The following CCDC93 variants were observed in gnomAD, a reference collection of about 807,000 sequenced individuals.
The protein encoded by CCDC93 is CCC complex scaffolding subunit CCDC93.
Under a neutral mutation model 108.2 loss-of-function variants are expected in CCDC93, and 61 were observed. The ratio of observed to expected loss-of-function variants is 0.56; its 90% CI spans 0.46 to 0.70. The LOEUF is 0.70. Ranked by LOEUF, CCDC93 falls within the 30% of genes least tolerant of loss-of-function variation. The pLI is 0.00. For synonymous variants in CCDC93, 276 were observed against 260.4 expected (o/e 1.06, Z -0.58); for missense variants, 685 against 764.2 (o/e 0.90, Z 1.22).
intron 11 of CCDC93, among the ~76,000 whole-genome samples, chr2:117,970,830 A>C (rs1393853197): frequency 3.9e-5 from 6 of 152,162 alleles, no homozygotes; most frequent in Non-Finnish European, 8.8e-5. Flanking sequence ...AAAGCTGGAA[A>C]TATTGGGGGC....
intron 10 of CCDC93, 104 bp from the exon 11 acceptor site, chr2:117,974,098 C>T: frequency 1.3e-6 from 1 of 776,512 alleles, no homozygotes; most frequent in East Asian, 2.7e-5. Context: ...TATGGTAAAA[C>T]ATAATATTCC....
intron 11 of CCDC93, among the ~76,000 whole-genome samples, chr2:117,958,785 G>C (rs1449891034): frequency 6.6e-6 from 1 of 152,100 alleles, no homozygotes; most frequent in Non-Finnish European, 1.5e-5. Flanking sequence ...TCTTAAATAG[G>C]GGAATAACAT....
chr2:117,966,698 A>AT (rs1491287323), intron 11 of CCDC93, among the ~76,000 whole-genome samples: 3 of 152,216 alleles, frequency 2.0e-5, no homozygotes, highest in Non-Finnish European at 4.4e-5. Context: ...GTGTTTTTTC[A>AT]TAAGTACATC....
intron 18 of CCDC93, among the ~76,000 whole-genome samples, chr2:117,941,815 G>A (rs1054815584): frequency 1.1e-4 from 17 of 152,182 alleles, no homozygotes; most frequent in African/African-American, 2.7e-4. Flanking sequence ...CCTACTGACC[G>A]GGTCTGGGAG....
In CCDC93 at chr2:117,949,369, G is replaced by C; in HGVS notation, c.1095C>G (p.Asp365Glu). The C allele has an allele frequency of 2.5e-6, 4 of 1,613,658 alleles. No homozygotes were observed. The highest frequency in any genetic ancestry group is 3.4e-6 in the Non-Finnish European group (4 of 1,179,602). The change falls in exon 14 of 24, where the codon GAC becomes GAG. Residue 365 changes from aspartate (D) to glutamate (E), a missense_variant. Asp to Glu is a conservative substitution (Grantham distance 45). Coordinates refer to ENST00000376300, the MANE Select transcript of CCDC93 (RefSeq NM_019044.5). The stretch of plus-strand genomic sequence containing the variant: ...TCTTCTCGAGGGCTGCTTGCTCTTT[G>C]TCCAGTTTCTCACTGTAAGTCTTCA... ...TELKTYSEKL[D>E]KEQAALEKIE...
intron 11 of CCDC93, among the ~76,000 whole-genome samples, chr2:117,966,568 G>A (rs892025831): frequency 6.6e-6 from 1 of 152,222 alleles, no homozygotes. Context: ...GAACTGAAGA[G>A]GCAGTCTTCT....
intron 4 of CCDC93, 177 bp from the exon 5 acceptor site, chr2:117,996,539 A>G (rs1326445427): frequency 7.4e-6 from 4 of 540,266 alleles, no homozygotes; most frequent in East Asian, 3.1e-5. Flanking sequence ...GGTATCCAAG[A>G]TGTTAAGATC....
chr2:118,013,617 G>A (rs1021132310), intron 1 of CCDC93, among the ~76,000 whole-genome samples: 15 of 152,160 alleles, frequency 9.9e-5, no homozygotes, highest in Non-Finnish European at 1.8e-4. Flanking sequence ...GCGCGGGGTG[G>A]GGGAGCCCGT....
intron 7 of CCDC93, among the ~76,000 whole-genome samples, chr2:117,979,137 C>T (rs1680035674): frequency 6.6e-6 from 1 of 152,218 alleles, no homozygotes; most frequent in African/African-American, 2.4e-5. Context: ...CCTTGTCCAA[C>T]TTCTGCATTG....
chr2:117,994,113 C>T (rs1573522016), intron 6 of CCDC93, among the ~76,000 whole-genome samples: 2 of 152,270 alleles, frequency 1.3e-5, no homozygotes. Context: ...AGTATGATTC[C>T]AATTCAGTTT....
intron 11 of CCDC93, among the ~76,000 whole-genome samples, chr2:117,964,852 C>T (rs553868097): frequency 1.3e-5 from 2 of 152,324 alleles, no homozygotes; most frequent in East Asian, 1.9e-4. Flanking sequence ...ATCCTCTCGC[C>T]TCAGGCTCCC....
chr2:117,948,461 T>C (rs942325504), intron 14 of CCDC93, among the ~76,000 whole-genome samples: 25 of 152,228 alleles, frequency 1.6e-4, no homozygotes, highest in East Asian at 5.8e-4. Flanking sequence ...TGAGTTTCAA[T>C]AGTACCAGGT....
At chr2:117,998,650 T>A (rs1024311422) in intron 4 of CCDC93, 2 of 152,168 alleles carry the variant, frequency 1.3e-5, no homozygotes, top group African/African-American at 4.8e-5. Flanking sequence ...ATTCAGACCT[T>A]CAAAACACCC....
At chr2:117,928,982 C>A (rs1040178687) in intron 23 of CCDC93, among the ~76,000 whole-genome samples, 2 of 152,084 alleles carry the variant, frequency 1.3e-5, no homozygotes, top group African/African-American at 4.8e-5. Flanking sequence ...AAGCTGGAAA[C>A]CATCATTCTC....
At chr2:117,937,545 C>T (rs758952948) in intron 20 of CCDC93, among the ~76,000 whole-genome samples, 6 of 152,168 alleles carry the variant, frequency 3.9e-5, no homozygotes, top group Non-Finnish European at 8.8e-5. Context: ...AACATTCTAA[C>T]TGGTAACATG....
chr2:117,926,550 C>T (rs1001114333), intron 23 of CCDC93, among the ~76,000 whole-genome samples: 12 of 152,014 alleles, frequency 7.9e-5, no homozygotes, highest in African/African-American at 2.9e-4. Flanking sequence ...ACACATACAC[C>T]CTCCCAAGAC....
chr2:117,988,737 A>G (rs966259838), intron 6 of CCDC93, among the ~76,000 whole-genome samples: 6 of 152,224 alleles, frequency 3.9e-5, no homozygotes, highest in African/African-American at 1.4e-4. Context: ...ACATTAATAA[A>G]ATAACAAAAA....
At chr2:117,941,603 C>G (rs1277243989) in intron 18 of CCDC93, among the ~76,000 whole-genome samples, 1 of 152,106 alleles carries the variant, frequency 6.6e-6, no homozygotes, top group Non-Finnish European at 1.5e-5. Context: ...ACCCACCAGG[C>G]CCCCAAGGAG....
At chr2:117,967,108 C>T (rs963892140) in intron 11 of CCDC93, among the ~76,000 whole-genome samples, 1 of 152,194 alleles carries the variant, frequency 6.6e-6, no homozygotes, top group African/African-American at 2.4e-5. Flanking sequence ...CCAATCCCAC[C>T]TCAGCCTCCC....
Sources: gnomAD v4.1 joint callset for allele counts (sites outside exome capture counted in the v4.1 genomes callset) on GRCh38, gnomAD v4.1.1 for gene constraint, MANE v1.5 for transcripts, NCBI Gene and HGNC (gene_info 2026-07-23, HGNC 2026-07-21) for gene names.